DLG5: variants seen among roughly 807,000 people sequenced by gnomAD.
The protein encoded by DLG5 is discs large MAGUK scaffold protein 5.
DLG5 carries 48 observed loss-of-function variants against 189.8 expected under a neutral mutation model. The observed-to-expected ratio is 0.25, with a 90% CI of 0.20 to 0.32. The LOEUF (loss-of-function observed/expected upper bound fraction) is 0.32, where lower values mean the gene tolerates loss of function less well. DLG5 is among the 10% of genes least tolerant of loss of function. The probability of loss-of-function intolerance (pLI) is 1.00; values close to 1 mark genes in which losing one functional copy is unlikely to be tolerated. For synonymous variants in DLG5, 1,016 were observed against 1,054.1 expected, an observed-to-expected ratio of 0.96 and a Z score of 0.70; for missense variants, 2,160 against 2,544.7, an observed-to-expected ratio of 0.85 and a Z score of 3.25.
chr10:77,864,799 C>CA (rs1479609115), intron 2 of DLG5, among the ~76,000 whole-genome samples: 11 of 152,360 alleles, frequency 7.2e-5, no homozygotes, highest in African/African-American at 2.6e-4. Context: ...CTAAGGGGGA[C>CA]ACCCCTCTTA....
chr10:77,918,915 C>CA (rs1202388033), intron 1 of DLG5, among the ~76,000 whole-genome samples: 31 of 149,786 alleles, frequency 2.1e-4, no homozygotes, highest in African/African-American at 4.4e-4. Flanking sequence ...TGAGGTGGGA[C>CA]AAAAAAAAAT....
upstream of DLG5, chr10:77,926,994 A>G (rs774210968): frequency 3.3e-4 from 121 of 361,466 alleles, no homozygotes; most frequent in African/African-American, 1.7e-3. The surrounding 1 kb of genome is among the most constrained non-coding windows in gnomAD (Gnocchi z 5.2). Flanking sequence ...GGCTCCCGAC[A>G]GCTCCGGCCC....
intron 20 of DLG5, among the ~76,000 whole-genome samples, chr10:77,815,019 G>T (rs1841982797): frequency 6.6e-6 from 1 of 152,082 alleles, no homozygotes; most frequent in Admixed American, 6.6e-5. Flanking sequence ...CCACCGTGAG[G>T]GCAGGAGTCA....
chr10:77,889,314 G>C (rs1008444443), intron 1 of DLG5: 2 of 152,210 alleles, frequency 1.3e-5, no homozygotes, highest in African/African-American at 4.9e-5. Flanking sequence ...AAAAGTCTCT[G>C]CAACTCTGTG....
At chr10:77,818,344 C>G (rs1295347067) in intron 17 of DLG5, among the ~76,000 whole-genome samples, 1 of 152,214 alleles carries the variant, frequency 6.6e-6, no homozygotes, top group Non-Finnish European at 1.5e-5. Context: ...CCACATCAGG[C>G]TGCCCTGAGA....
chr10:77,912,743 C>G (rs1193827050), intron 1 of DLG5, among the ~76,000 whole-genome samples: 3 of 152,182 alleles, frequency 2.0e-5, no homozygotes, highest in Admixed American at 1.3e-4. Context: ...CAGGTGAAGA[C>G]AAGAGTACCC....
At chr10:77,873,644 A>G (rs1589241983) in intron 1 of DLG5, among the ~76,000 whole-genome samples, 1 of 151,982 alleles carries the variant, frequency 6.6e-6, no homozygotes, top group Admixed American at 6.6e-5. Flanking sequence ...GCACGCCCCC[A>G]ACACACCCCT....
chr10:77,835,892 T>C lies in DLG5; in HGVS notation c.1468A>G (p.Arg490Gly). The C allele has an allele frequency of 6.2e-7, 1 of 1,613,582 alleles. No homozygotes were observed. The part of the protein sequence containing the change: ...IKDTVTMDAG[R>G]ANKEVEILRK... ...AGGATTTCAACCTCCTTGTTGGCTCTCCCAGCATCCATTGTCACCGTGTCT... is the reference window on the plus strand; with the variant it reads ...AGGATTTCAACCTCCTTGTTGGCTCCCCCAGCATCCATTGTCACCGTGTCT... The change falls in exon 8 of 32, where the codon AGA becomes GGA. Residue 490 changes from arginine (R) to glycine (G), a missense_variant. Physicochemically the swap from Arg to Gly is moderately radical, Grantham distance 125 (BLOSUM62 -2). Coordinates refer to ENST00000372391, the MANE Select transcript of DLG5 (RefSeq NM_004747.4).
At chr10:77,810,498 C>G (rs1241212905) in intron 23 of DLG5, among the ~76,000 whole-genome samples, 1 of 152,224 alleles carries the variant, frequency 6.6e-6, no homozygotes, top group African/African-American at 2.4e-5. Context: ...CCCTGCAGCC[C>G]CAGGCCAGGC....
chr10:77,800,919 C>T, intron 27 of DLG5, among the ~76,000 whole-genome samples: 1 of 151,956 alleles, frequency 6.6e-6, no homozygotes, highest in East Asian at 1.9e-4. Flanking sequence ...GTCAGGTGAA[C>T]CACCAGCTGC....
At chr10:77,903,160 G>T (rs919959561) in intron 1 of DLG5, among the ~76,000 whole-genome samples, 10 of 152,208 alleles carry the variant, frequency 6.6e-5, no homozygotes, top group African/African-American at 2.4e-4. Context: ...GGGCGCAGCG[G>T]CTCACGCCTG....
Position 77,891,516 on chromosome 10 carries a change from G to A in DLG5, c.305-22319C>T, listed in dbSNP as rs548128108. ...ATGTCTCTTTGTTCTGTGAGCAGCT[G>A]TCACCTCACACAGCTCATTATTCAT... On this transcript the variant is annotated intron_variant, in intron 1 of 31. Coordinates refer to ENST00000372391, the MANE Select transcript of DLG5 (RefSeq NM_004747.4). Among the ~76,000 whole-genome samples, 9 of 151,048 alleles carry A rather than the reference G, an allele frequency of 6.0e-5. No homozygotes were observed. In the East Asian group the frequency reaches 1.8e-3, roughly 30 times the overall value.
At chr10:77,809,508 T>A in intron 24 of DLG5, 39 bp downstream of exon 24, 1 of 1,580,594 alleles carries the variant, frequency 6.3e-7, no homozygotes. Context: ...ACTGTGCAGG[T>A]AGATGGAGGC....
At chr10:77,939,326 G>C in the DLG5 span, among the ~76,000 whole-genome samples, 3 of 152,174 alleles carry the variant, frequency 2.0e-5, no homozygotes, top group East Asian at 5.8e-4. Flanking sequence ...CAGATGGAAA[G>C]GGGGCCCATG....
At chr10:77,925,164 T>A (rs546317290) in intron 1 of DLG5, among the ~76,000 whole-genome samples, 20 of 152,330 alleles carry the variant, frequency 1.3e-4, no homozygotes, top group South Asian at 6.2e-4. Flanking sequence ...AGGTTATAAT[T>A]CAAAATTCCT....
chr10:77,842,835 C>A (rs1843491552), intron 6 of DLG5, among the ~76,000 whole-genome samples: 2 of 152,212 alleles, frequency 1.3e-5, no homozygotes, highest in Admixed American at 1.3e-4. Context: ...TGCACAACAC[C>A]ACGCTGAAGG....
chr10:77,851,996 A>G (rs1039297034), intron 5 of DLG5, among the ~76,000 whole-genome samples: 6 of 152,164 alleles, frequency 3.9e-5, no homozygotes, highest in Non-Finnish European at 7.3e-5. Flanking sequence ...AAGGGTCAGG[A>G]GGAGATGGGA....
chr10:77,918,148 C>T (rs557365059), intron 1 of DLG5, among the ~76,000 whole-genome samples: 1 of 151,996 alleles, frequency 6.6e-6, no homozygotes, highest in Non-Finnish European at 1.5e-5. Flanking sequence ...CGGTGGCTCA[C>T]GCCTGTAATC....
In DLG5 at chr10:77,847,949, C is replaced by T. The variant is rs555373387; in HGVS notation, c.865-4243G>A. 3.9e-5 allele frequency among the ~76,000 whole-genome samples: 6 copies of T among 152,262 alleles called. No homozygotes were observed. The South Asian group carries it at 1.0e-3, about 26-fold the overall frequency. On this transcript the variant is annotated intron_variant, in intron 5 of 31. Coordinates refer to ENST00000372391, the MANE Select transcript of DLG5 (RefSeq NM_004747.4). ...CTTGAACTCCTAGACTCAAGTGATA[C>T]ACCCACTTTGGCTTCCCAAAGTGCT...
Sources: allele counts gnomAD v4.1 joint callset (sites outside exome capture counted in the v4.1 genomes callset), GRCh38; gene constraint gnomAD v4.1.1; non-coding constraint Gnocchi (gnomAD v3.1); transcripts MANE v1.5; gene names NCBI Gene and HGNC (gene_info 2026-07-23, HGNC 2026-07-21).